Variants in DCC observed in about 807,000 individuals in gnomAD.
The protein encoded by DCC is netrin receptor DCC.
Under a neutral mutation model 172.5 loss-of-function variants are expected in DCC, and 58 were observed. That is an observed-to-expected ratio of 0.34 (90% CI 0.27 to 0.42). The LOEUF is 0.42. Ranked by LOEUF, DCC falls within the 10% of genes least tolerant of loss-of-function variation. The pLI is 1.00. For synonymous variants in DCC, 709 were observed against 644.5 expected, an observed-to-expected ratio of 1.10 and a Z score of -1.52; for missense variants, 1,740 against 1,791.0, an observed-to-expected ratio of 0.97 and a Z score of 0.51.
rs563432353 is a variant in DCC, at chr18:53,326,401, A to T, written c.2164+4244A>T. On this transcript the variant is annotated intron_variant, in intron 14 of 28. Coordinates refer to ENST00000442544, the MANE Select transcript of DCC (RefSeq NM_005215.4). ...ATTGATAATACCAAAGGCCTTCTCA[A>T]TTTATTGATCCATGATCACTTTCAA... Among the ~76,000 whole-genome samples the T allele has an allele frequency of 4.2e-4, 64 of 152,312 alleles. 1 individual carries two copies. The highest frequency in any genetic ancestry group is 2.7e-3 in the South Asian group (13 of 4,826).
intron 1 of DCC, chr18:52,419,091 C>T (rs998105964): frequency 1.3e-5 from 2 of 152,136 alleles, no homozygotes; most frequent in Non-Finnish European, 2.9e-5. Context: ...AAATTCCTGA[C>T]CTCGTGATCC....
chr18:52,796,463 G>A (rs961493797), intron 2 of DCC, among the ~76,000 whole-genome samples: 2 of 151,926 alleles, frequency 1.3e-5, no homozygotes, highest in African/African-American at 4.8e-5. Context: ...TTTCACTTCT[G>A]GATGTAGGAC....
At chr18:52,642,038 ATATATATACTGTGGTGTGTGTGTG>A (rs1385988843) in intron 1 of DCC, among the ~76,000 whole-genome samples, 2,251 of 13,316 alleles carry the variant, frequency 0.17, 63 homozygotes, top group Non-Finnish European at 0.29. Context: ...ATATATATAT[ATATATATACTGTGGTGTGTGTGTG>A]TATATATATA....
chr18:53,248,577 AG>A (rs2056392922), intron 12 of DCC, among the ~76,000 whole-genome samples: 1 of 152,046 alleles, frequency 6.6e-6, no homozygotes, highest in African/African-American at 2.4e-5. Context: ...CCTGGAAAAT[AG>A]CGAAGAACGA....
intron 1 of DCC, among the ~76,000 whole-genome samples, chr18:52,743,196 T>G (rs184849661): frequency 6.6e-6 from 1 of 152,218 alleles, no homozygotes; most frequent in Admixed American, 6.5e-5. Flanking sequence ...ATCACACTTT[T>G]TCTAAATACT....
At chr18:53,101,874 T>A (rs902362524) in intron 7 of DCC, among the ~76,000 whole-genome samples, 1 of 151,794 alleles carries the variant, frequency 6.6e-6, no homozygotes, top group African/African-American at 2.4e-5. Flanking sequence ...TTGATTTCTC[T>A]CCTCTTGGCA....
intron 8 of DCC, among the ~76,000 whole-genome samples, chr18:53,161,919 A>T (rs969705950): frequency 6.6e-6 from 1 of 152,230 alleles, no homozygotes; most frequent in Admixed American, 6.5e-5. Context: ...GAGCTGAGTT[A>T]TGGAAATAAA....
intron 1 of DCC, among the ~76,000 whole-genome samples, chr18:52,529,501 A>G (rs1035996228): frequency 5.3e-5 from 8 of 152,176 alleles, no homozygotes; most frequent in African/African-American, 1.7e-4. Flanking sequence ...CGTGTTAGCC[A>G]GGATGGTCTC....
intron 7 of DCC, among the ~76,000 whole-genome samples, chr18:53,087,721 T>A (rs1257347239): frequency 6.6e-6 from 1 of 152,060 alleles, no homozygotes; most frequent in Admixed American, 6.5e-5. Flanking sequence ...TCTTCTAGGG[T>A]TTTTATGGTT....
At chr18:52,909,266 A>G (rs2039933623) in intron 3 of DCC, among the ~76,000 whole-genome samples, 1 of 151,984 alleles carries the variant, frequency 6.6e-6, no homozygotes, top group African/African-American at 2.4e-5. Context: ...ATGTTAATAC[A>G]TACATGCACA....
chr18:53,127,517 T>C (rs547948199), intron 7 of DCC, among the ~76,000 whole-genome samples: 1 of 152,208 alleles, frequency 6.6e-6, no homozygotes. Context: ...ATGTTGCCTA[T>C]GGGAGGGTGG....
At chr18:53,268,138 A>G (rs952488544) in intron 12 of DCC, among the ~76,000 whole-genome samples, 3 of 152,190 alleles carry the variant, frequency 2.0e-5, no homozygotes, top group African/African-American at 7.2e-5. Context: ...AGGTAAATTT[A>G]GCCAAAAACA....
At chr18:52,683,807 A>T (rs1599016372) in intron 1 of DCC, among the ~76,000 whole-genome samples, 1 of 152,102 alleles carries the variant, frequency 6.6e-6, no homozygotes, top group Non-Finnish European at 1.5e-5. Context: ...GAAAGAAAAA[A>T]AGTCTTATGT....
At position 53,038,189 on chromosome 18, in the gene DCC, C is replaced by T. The variant is rs1393852101; in HGVS notation, c.986-25116C>T. On this transcript the variant is annotated intron_variant, in intron 5 of 28. Transcript: ENST00000442544. ...CAGAGATAAAGCAAGAGACCAGTCC[C>T]TAAACTTACTTGTACAGTAAATTAG... is the stretch of plus-strand genomic sequence containing the variant. Among the ~76,000 whole-genome samples, 3 of 151,928 alleles carry T rather than the reference C, an allele frequency of 2.0e-5. No individual in the cohort carries two copies. The East Asian group carries it at 5.8e-4, about 30-fold the overall frequency.
At chr18:52,859,400 G>A (rs1415348438) in intron 2 of DCC, among the ~76,000 whole-genome samples, 2 of 152,148 alleles carry the variant, frequency 1.3e-5, no homozygotes, top group African/African-American at 4.8e-5. Context: ...ACATGCGGAG[G>A]ACCACAGAGG....
chr18:52,991,971 G>T (rs1381635288), intron 5 of DCC, among the ~76,000 whole-genome samples: 1 of 152,168 alleles, frequency 6.6e-6, no homozygotes, highest in African/African-American at 2.4e-5. Flanking sequence ...GTCTGCAAGG[G>T]ATGCTGTGAA....
intron 25 of DCC, among the ~76,000 whole-genome samples, chr18:53,484,192 T>C (rs2045874456): frequency 6.6e-6 from 1 of 152,016 alleles, no homozygotes; most frequent in Non-Finnish European, 1.5e-5. Flanking sequence ...AATTATGCTC[T>C]AAATGAAAAT....
intron 1 of DCC, among the ~76,000 whole-genome samples, chr18:52,697,169 A>G (rs1207152459): frequency 3.9e-5 from 6 of 152,206 alleles, no homozygotes; most frequent in Non-Finnish European, 7.3e-5. Context: ...TATTTAAAGT[A>G]TTCTTTTAAG....
intron 1 of DCC, among the ~76,000 whole-genome samples, chr18:52,687,430 A>G (rs866664407): frequency 1.3e-5 from 2 of 151,584 alleles, no homozygotes; most frequent in African/African-American, 4.8e-5. Context: ...TATTACAGGC[A>G]CCTGCCACCA....
Sources: allele counts gnomAD v4.1 joint callset (sites outside exome capture counted in the v4.1 genomes callset), GRCh38; gene constraint gnomAD v4.1.1; transcripts MANE v1.5; gene names NCBI Gene and HGNC (gene_info 2026-07-23, HGNC 2026-07-21).